PHF2: variants seen among roughly 807,000 people sequenced by gnomAD.
PHF2 encodes PHD finger protein 2.
PHF2 carries 27 observed loss-of-function variants against 120.5 expected under a neutral mutation model. The ratio of observed to expected loss-of-function variants is 0.22; its 90% CI spans 0.17 to 0.31. The LOEUF is 0.31. Among genes scored for constraint, PHF2 ranks in the 10% least tolerant of loss-of-function variants. The pLI is 1.00. For synonymous variants in PHF2, 568 were observed against 592.5 expected (o/e 0.96, Z 0.60); for missense variants, 1,024 against 1,434.8 (o/e 0.71, Z 4.63).
At chr9:93,646,510 C>A (rs1204568518) in intron 4 of PHF2, among the ~76,000 whole-genome samples, 1 of 152,214 alleles carries the variant, frequency 6.6e-6, no homozygotes, top group Non-Finnish European at 1.5e-5. Flanking sequence ...AACGGGCAAA[C>A]CCCCAGGACA....
intron 1 of PHF2, among the ~76,000 whole-genome samples, chr9:93,623,332 A>G (rs1427773384): frequency 6.6e-6 from 1 of 152,180 alleles, no homozygotes; most frequent in Non-Finnish European, 1.5e-5. Flanking sequence ...TGGTCCCACA[A>G]AAGTCTTTGC....
intron 4 of PHF2, among the ~76,000 whole-genome samples, chr9:93,646,912 G>A (rs573562257): frequency 6.6e-6 from 1 of 152,218 alleles, no homozygotes; most frequent in East Asian, 1.9e-4. Flanking sequence ...GGCTGATTCT[G>A]TGGGGTTCTT....
intron 19 of PHF2, 113 bp from the exon 20 acceptor site, chr9:93,675,567 A>T: frequency 1.3e-6 from 1 of 779,598 alleles, no homozygotes; most frequent in Non-Finnish European, 2.1e-6. Context: ...CCCTGTGCTT[A>T]GGCCTGCCTG....
intron 18 of PHF2, among the ~76,000 whole-genome samples, chr9:93,674,673 A>G (rs1245069023): frequency 6.6e-6 from 1 of 152,168 alleles, no homozygotes. Context: ...GAGGCTGGGC[A>G]GGTAGATGCA....
chr9:93,638,781 C>G (rs558348214), intron 3 of PHF2, among the ~76,000 whole-genome samples: 2 of 152,140 alleles, frequency 1.3e-5, no homozygotes, highest in Non-Finnish European at 2.9e-5. Context: ...TACAGTAGCA[C>G]GATCTTGGCT....
At chr9:93,665,577 C>T (rs1452159261) in intron 14 of PHF2, 109 bp from the exon 15 acceptor site, 1 of 1,225,002 alleles carries the variant, frequency 8.2e-7, no homozygotes, top group African/African-American at 1.5e-5. Flanking sequence ...CACCTGCCTC[C>T]TGGAGGCCAT....
intron 1 of PHF2, among the ~76,000 whole-genome samples, chr9:93,581,286 G>A (rs558966798): frequency 3.3e-5 from 5 of 152,282 alleles, no homozygotes; most frequent in African/African-American, 9.6e-5. Flanking sequence ...GTGGCCTCGC[G>A]CTGCAGGCCA....
At position 93,659,527 on chromosome 9, in the gene PHF2, A is replaced by T; in HGVS notation, c.1256A>T (p.Glu419Val). Residue 419 changes from glutamate (E) to valine (V), a missense_variant, in exon 11 of 22, where the codon GAG becomes GTG. Physicochemically the swap from Glu to Val is moderately radical, Grantham distance 121. Coordinates refer to ENST00000359246, the MANE Select transcript of PHF2 (RefSeq NM_005392.4). ...WTKKQALAEH[E>V]DELPEHFKPS... The stretch of plus-strand genomic sequence containing the variant: ...GTCCTGCAGGCTTTGGCAGAGCATG[A>T]GGACGAGCTCCCGGAGCACTTCAAA... 6.2e-7 allele frequency: 1 copy of T among 1,614,072 alleles called. No individual in the cohort carries two copies. Among genetic ancestry groups the T allele is most frequent in the East Asian group, 2.2e-5 (1 of 44,884 alleles).
At position 93,679,496 on chromosome 9, in the gene PHF2, A is replaced by G. The variant is rs1826983232; in HGVS notation, c.*1820A>G. The G allele has an allele frequency of 3.3e-6, 1 of 302,378 alleles. No homozygotes were observed. Among genetic ancestry groups the G allele is most frequent in the Non-Finnish European group, 6.4e-6 (1 of 155,756 alleles). The allele number at this position is 302,378 out of a possible 1,614,324, so 18.7% of individuals were successfully genotyped here. ...GGCTATTAAAGTGTTTTATTTCCCAATTCATATTACTCTTGTATCGAGTCC... is the reference window on the plus strand; with the variant it reads ...GGCTATTAAAGTGTTTTATTTCCCAGTTCATATTACTCTTGTATCGAGTCC... On this transcript the variant is annotated 3_prime_UTR_variant, in exon 22 of 22. Transcript: ENST00000359246.
intron 1 of PHF2, among the ~76,000 whole-genome samples, chr9:93,604,039 G>A (rs535832678): frequency 1.3e-5 from 2 of 152,342 alleles, no homozygotes; most frequent in South Asian, 4.1e-4. Context: ...GTCAAAGTGA[G>A]CATCTCTGCT....
At chr9:93,611,853 A>C (rs1377377633) in intron 1 of PHF2, among the ~76,000 whole-genome samples, 1 of 152,162 alleles carries the variant, frequency 6.6e-6, no homozygotes, top group African/African-American at 2.4e-5. Context: ...GATGGGTAGC[A>C]ATATATATAC....
chr9:93,662,018 TA>T (rs1826577455), intron 12 of PHF2, among the ~76,000 whole-genome samples: 1 of 151,030 alleles, frequency 6.6e-6, no homozygotes, highest in East Asian at 2.0e-4. Context: ...GATGGATGGG[TA>T]GATGATGAAT....
At chr9:93,634,959 C>T (rs1826065709) in intron 2 of PHF2, among the ~76,000 whole-genome samples, 1 of 152,240 alleles carries the variant, frequency 6.6e-6, no homozygotes, top group African/African-American at 2.4e-5. Flanking sequence ...CCCCACAAGG[C>T]CCGTGTGAGC....
intron 3 of PHF2, among the ~76,000 whole-genome samples, chr9:93,637,381 A>G (rs1826110770): frequency 6.6e-6 from 1 of 152,246 alleles, no homozygotes; most frequent in African/African-American, 2.4e-5. Context: ...CTGTATTCAC[A>G]GATATGTGCA....
At chr9:93,633,426 T>G (rs746381890) in intron 2 of PHF2, among the ~76,000 whole-genome samples, 2 of 152,212 alleles carry the variant, frequency 1.3e-5, no homozygotes, top group African/African-American at 4.8e-5. Flanking sequence ...TCCTGACTTA[T>G]ACACAGTCAG....
rs1450225359 is a variant in PHF2 at position 93,660,228 on chromosome 9, G to C, written c.1366G>C (p.Val456Leu). 4 of 1,591,206 alleles carry C rather than the reference G, an allele frequency of 2.5e-6. No homozygotes were observed. The highest frequency in any genetic ancestry group is 3.4e-6 in the Non-Finnish European group (4 of 1,172,160). The change falls in exon 12 of 22, where the codon GTC becomes CTC. Residue 456 changes from valine (V) to leucine (L), a missense_variant. Physicochemically the swap from Val to Leu is conservative, Grantham distance 32 (BLOSUM62 1). This residue lies in a region of PHF2 where 677 missense variants were observed against 857.4 expected (regional missense o/e 0.79). Coordinates refer to ENST00000359246, the MANE Select transcript of PHF2 (RefSeq NM_005392.4). ...SKAVRPEVNT[V>L]ASSDEVCDGD... Reference sequence around the variant, plus strand: ...AGCCGTCCGACCGGAAGTGAATACTGTCGCCTCGTCAGATGAGGTGTGTGA... The same window carrying C: ...AGCCGTCCGACCGGAAGTGAATACTCTCGCCTCGTCAGATGAGGTGTGTGA...
At chr9:93,614,586 C>A (rs1409788300) in intron 1 of PHF2, among the ~76,000 whole-genome samples, 1 of 152,210 alleles carries the variant, frequency 6.6e-6, no homozygotes, top group East Asian at 1.9e-4. Flanking sequence ...AGGGGCTGAG[C>A]TGGGGTCTCT....
chr9:93,640,484 A>C (rs1244899441), intron 3 of PHF2, among the ~76,000 whole-genome samples: 1 of 151,990 alleles, frequency 6.6e-6, no homozygotes, highest in African/African-American at 2.4e-5. Flanking sequence ...TAGTCTACTG[A>C]TGAGCCCATC....
intron 1 of PHF2, among the ~76,000 whole-genome samples, chr9:93,616,884 G>A (rs541871917): frequency 3.3e-5 from 5 of 152,092 alleles, no homozygotes; most frequent in Non-Finnish European, 7.4e-5. Context: ...TTGAACTCCT[G>A]ACCTCAGGTG....
Sources: allele counts gnomAD v4.1 joint callset (sites outside exome capture counted in the v4.1 genomes callset), GRCh38; gene constraint gnomAD v4.1.1; regional missense constraint gnomAD v4.1.1; transcripts MANE v1.5; gene names NCBI Gene and HGNC (gene_info 2026-07-23, HGNC 2026-07-21).